The following MAP4K5 variants were observed in gnomAD, a reference collection of about 807,000 sequenced individuals.
MAP4K5 encodes the protein mitogen-activated protein kinase kinase kinase kinase 5.
MAP4K5 carries 82 observed loss-of-function variants against 135.6 expected under a neutral mutation model. That is an observed-to-expected ratio of 0.60 (90% CI 0.51 to 0.73). MAP4K5 has a LOEUF of 0.73. Among genes scored for constraint, MAP4K5 ranks in the 30% least tolerant of loss-of-function variants. The pLI, the probability that MAP4K5 is intolerant of heterozygous loss-of-function variation, is 0.00. For missense variants in MAP4K5, 907 were observed against 1,010.9 expected, an observed-to-expected ratio of 0.90 and a Z score of 1.39; for synonymous variants, 347 against 335.0, an observed-to-expected ratio of 1.04 and a Z score of -0.39.
chr14:50,554,522 G>A (rs1269761521), intron 1 of MAP4K5, among the ~76,000 whole-genome samples: 1 of 152,168 alleles, frequency 6.6e-6, no homozygotes, highest in Non-Finnish European at 1.5e-5. Flanking sequence ...GTCCCCACTA[G>A]GTTATTTAAG....
intron 28 of MAP4K5, among the ~76,000 whole-genome samples, chr14:50,431,742 A>G (rs57134144): frequency 0.2 from 29,684 of 151,460 alleles, 3,580 homozygotes; most frequent in Middle Eastern, 0.28. Context: ...TAGCAGCATG[A>G]TTTATAGTCC....
intron 2 of MAP4K5, among the ~76,000 whole-genome samples, chr14:50,519,772 G>C (rs2038109069): frequency 6.6e-6 from 1 of 152,144 alleles, no homozygotes; most frequent in South Asian, 2.1e-4. Context: ...CAAGAAGAGA[G>C]AGACAAACAT....
intron 3 of MAP4K5, among the ~76,000 whole-genome samples, chr14:50,496,260 A>G (rs898903955): frequency 3.3e-5 from 5 of 152,070 alleles, no homozygotes; most frequent in African/African-American, 1.2e-4. Context: ...CGGGAGGTGG[A>G]GGTTGCAGTG....
rs1248029609 is a variant in MAP4K5 at position 50,418,972 on chromosome 14, A to G, written c.*1047T>C. ...TCCCATCAGGAATTCAATTCATTTA[A>G]ATATTTTTTTTCTTCTTCAACCTAC... On this transcript the variant is annotated 3_prime_UTR_variant, in exon 33 of 33. Transcript: ENST00000682126. 7.2e-5 allele frequency: 11 copies of G among 152,180 alleles called. No individual in the cohort carries two copies. Among genetic ancestry groups the G allele is most frequent in the Admixed American group, 7.2e-4 (11 of 15,280 alleles). 9.4% of individuals were successfully genotyped at this position (152,180 alleles called of 1,614,324 possible). A position where few individuals can be genotyped will look rare whatever the true frequency, so the allele number is the denominator to read the frequency against.
upstream of MAP4K5, among the ~76,000 whole-genome samples, chr14:50,536,086 C>T (rs376724415): frequency 2.0e-5 from 3 of 152,308 alleles, no homozygotes; most frequent in South Asian, 4.2e-4. Flanking sequence ...CCAATTAAAC[C>T]TCTTTCTTTT....
intron 3 of MAP4K5, among the ~76,000 whole-genome samples, chr14:50,491,030 C>T (rs2037473509): frequency 6.6e-6 from 1 of 152,152 alleles, no homozygotes; most frequent in Non-Finnish European, 1.5e-5. Flanking sequence ...TAAGGGTCCT[C>T]TGCATTACAT....
chr14:50,458,811 TTTTA>T (rs1384816805), intron 13 of MAP4K5, among the ~76,000 whole-genome samples: 15 of 152,106 alleles, frequency 9.9e-5, no homozygotes, highest in South Asian at 6.2e-4. Context: ...TTTTATTTAC[TTTTA>T]TTTATTTTTT....
chr14:50,554,134 C>A (rs2038737383), intron 1 of MAP4K5, among the ~76,000 whole-genome samples: 1 of 151,592 alleles, frequency 6.6e-6, no homozygotes, highest in African/African-American at 2.4e-5. Context: ...TCCACAAAAA[C>A]CAATACGTAC....
intron 2 of MAP4K5, among the ~76,000 whole-genome samples, chr14:50,505,490 C>T (rs1476410977): frequency 2.0e-5 from 3 of 152,124 alleles, no homozygotes; most frequent in Non-Finnish European, 4.4e-5. Context: ...TATCCACAGC[C>T]TTATTTCCTT....
chr14:50,507,006 A>G (rs537649461), intron 2 of MAP4K5, among the ~76,000 whole-genome samples: 3 of 152,192 alleles, frequency 2.0e-5, no homozygotes, highest in Non-Finnish European at 4.4e-5. Context: ...GCCAATTCAC[A>G]TGCCAGTGAG....
chr14:50,544,936 CAAAAAAA>C (rs35420627), intron 1 of MAP4K5, among the ~76,000 whole-genome samples: 41 of 58,478 alleles, frequency 7.0e-4, no homozygotes, highest in East Asian at 4.3e-3. Flanking sequence ...GACCCACTCT[CAAAAAAA>C]AAAAAAAAAA....
At chr14:50,437,624 G>C in intron 25 of MAP4K5, 90 bp from the exon 26 acceptor site, 1 of 932,506 alleles carries the variant, frequency 1.1e-6, no homozygotes. Context: ...CAGACAGAAA[G>C]GAGCTTAAAA....
chr14:50,519,586 G>A (rs1434728890), intron 2 of MAP4K5, among the ~76,000 whole-genome samples: 6 of 151,998 alleles, frequency 3.9e-5, no homozygotes, highest in African/African-American at 1.5e-4. Context: ...CCTGGGAGGC[G>A]GAGGTTGTAA....
At chr14:50,421,256 T>A (rs906034863) in intron 32 of MAP4K5, among the ~76,000 whole-genome samples, 2 of 151,816 alleles carry the variant, frequency 1.3e-5, no homozygotes, top group East Asian at 3.9e-4. Context: ...ATAATTTTTT[T>A]ATTTTTATTT....
At chr14:50,458,288 C>T (rs1283494828) in intron 13 of MAP4K5, among the ~76,000 whole-genome samples, 4 of 152,126 alleles carry the variant, frequency 2.6e-5, no homozygotes, top group Non-Finnish European at 5.9e-5. Context: ...CTCTGCCTTT[C>T]CATCTTGCTT....
intron 2 of MAP4K5, among the ~76,000 whole-genome samples, chr14:50,512,246 G>T (rs1214062369): frequency 2.6e-5 from 4 of 151,960 alleles, no homozygotes; most frequent in African/African-American, 4.8e-5. Flanking sequence ...AATTATTTTT[G>T]AAAAGAATAC....
At chr14:50,478,073 A>G (rs903393918) in intron 6 of MAP4K5, among the ~76,000 whole-genome samples, 4 of 152,158 alleles carry the variant, frequency 2.6e-5, no homozygotes, top group African/African-American at 9.6e-5. Flanking sequence ...ACTGTATGGC[A>G]TCATCTGGCC....
In MAP4K5 at chr14:50,453,445, A is replaced by C. The variant is rs376106277; in HGVS notation, c.1015+3071T>G. On this transcript the variant is annotated intron_variant, in intron 14 of 32. Coordinates refer to ENST00000682126, the MANE Select transcript of MAP4K5 (RefSeq NM_006575.6). ...TCTCCCAAGGATACTTTGTACATGT[A>C]AAGTTTCATATAATGACCCCCTCTG... 7.2e-5 allele frequency among the ~76,000 whole-genome samples: 11 copies of C among 152,302 alleles called. No individual in the cohort carries two copies. In the East Asian group the frequency reaches 7.7e-4, roughly 11 times the overall value.
intron 6 of MAP4K5, among the ~76,000 whole-genome samples, chr14:50,478,670 G>C (rs1397187605): frequency 6.6e-6 from 1 of 151,996 alleles, no homozygotes; most frequent in Non-Finnish European, 1.5e-5. Context: ...AATACAAAAT[G>C]CTCCAATGAG....
Sources: gnomAD v4.1 joint callset for allele counts (sites outside exome capture counted in the v4.1 genomes callset) on GRCh38, gnomAD v4.1.1 for gene constraint, MANE v1.5 for transcripts, NCBI Gene and HGNC (gene_info 2026-07-23, HGNC 2026-07-21) for gene names.